The following SPMIP2 variants were observed in gnomAD, a reference collection of about 807,000 sequenced individuals.
The protein encoded by SPMIP2 is sperm microtubule inner protein 2.
chr4:158,961,739 C>T, the SPMIP2 span, among the ~76,000 whole-genome samples: 4 of 152,056 alleles, frequency 2.6e-5, no homozygotes, highest in African/African-American at 9.7e-5. Flanking sequence ...TCCATTCCTC[C>T]TATAGATATC....
chr4:158,973,352 A>G, the SPMIP2 span: 1 of 1,254,710 alleles, frequency 8.0e-7, no homozygotes, highest in South Asian at 1.4e-5. Flanking sequence ...TCCACACTTT[A>G]TTCTAAGATA....
chr4:158,908,968 G>A, the SPMIP2 span, among the ~76,000 whole-genome samples: 5 of 152,150 alleles, frequency 3.3e-5, no homozygotes, highest in South Asian at 2.1e-4. Flanking sequence ...GATTACAGGC[G>A]TGAGCCACTG....
chr4:158,968,929 C>T, the SPMIP2 span, among the ~76,000 whole-genome samples: 1 of 152,152 alleles, frequency 6.6e-6, no homozygotes, highest in Non-Finnish European at 1.5e-5. Context: ...AAAAATGAGG[C>T]AGAGATTTCA....
chr4:158,927,965 C>T, the SPMIP2 span, among the ~76,000 whole-genome samples: 4 of 152,348 alleles, frequency 2.6e-5, no homozygotes, highest in African/African-American at 4.8e-5. Flanking sequence ...ACCTGCAGCC[C>T]GCCATGCCTG....
chr4:159,080,908 A>T, the SPMIP2 span, among the ~76,000 whole-genome samples: 2,267 of 152,166 alleles, frequency 0.015, 69 homozygotes, highest in African/African-American at 0.051. Flanking sequence ...TATTTTTAGT[A>T]GAGACGGGTT....
chr4:159,052,246 C>T, the SPMIP2 span, among the ~76,000 whole-genome samples: 2 of 152,072 alleles, frequency 1.3e-5, no homozygotes, highest in Non-Finnish European at 2.9e-5. Flanking sequence ...AAATATCAGG[C>T]CTTGTGTGCT....
At chr4:158,894,384 T>C in the SPMIP2 span, among the ~76,000 whole-genome samples, 1 of 151,888 alleles carries the variant, frequency 6.6e-6, no homozygotes, top group African/African-American at 2.4e-5. Flanking sequence ...GTTGCCTAGG[T>C]TGGTCTTGAA....
chr4:159,026,247 T>C, the SPMIP2 span: 1 of 530,142 alleles, frequency 1.9e-6, no homozygotes, highest in South Asian at 1.7e-5. Flanking sequence ...AGCCAGAGTG[T>C]ATCATCATTT....
the SPMIP2 span, among the ~76,000 whole-genome samples, chr4:158,945,274 G>A: frequency 1.5e-4 from 23 of 151,972 alleles, no homozygotes; most frequent in Non-Finnish European, 2.4e-4. Flanking sequence ...CTCCTCATCC[G>A]TGTTCTGGGT....
chr4:159,049,752 AT>A, the SPMIP2 span, among the ~76,000 whole-genome samples: 1 of 151,712 alleles, frequency 6.6e-6, no homozygotes, highest in East Asian at 1.9e-4. Flanking sequence ...CCTGTTCTCA[AT>A]TTTTTTATAC....
the SPMIP2 span, among the ~76,000 whole-genome samples, chr4:158,956,444 T>G: frequency 1.2e-4 from 18 of 152,214 alleles, no homozygotes; most frequent in African/African-American, 4.3e-4. Flanking sequence ...ATGCCTGTAG[T>G]CCCAGCTACT....
At chr4:158,896,993 C>G in the SPMIP2 span, among the ~76,000 whole-genome samples, 1 of 152,054 alleles carries the variant, frequency 6.6e-6, no homozygotes, top group South Asian at 2.1e-4. Context: ...TATCCCACCC[C>G]CAGCCCCCCA....
the SPMIP2 span, among the ~76,000 whole-genome samples, chr4:158,935,904 G>C: frequency 6.6e-6 from 1 of 152,224 alleles, no homozygotes; most frequent in African/African-American, 2.4e-5. Context: ...GGCTGCTGCT[G>C]AGCTGGGTCT....
chr4:159,037,827 C>T, the SPMIP2 span, among the ~76,000 whole-genome samples: 27,192 of 125,384 alleles, frequency 0.22, 2,890 homozygotes, highest in African/African-American at 0.26. Context: ...CACACACACA[C>T]ATATATATAT....
the SPMIP2 span, among the ~76,000 whole-genome samples, chr4:159,002,559 C>T: frequency 0.3 from 45,000 of 151,952 alleles, 7,080 homozygotes; most frequent in South Asian, 0.44. Flanking sequence ...AAGTTTTTCT[C>T]CTATGTTTTC....
chr4:158,983,312 G>A, the SPMIP2 span, among the ~76,000 whole-genome samples: 12 of 151,666 alleles, frequency 7.9e-5, no homozygotes, highest in African/African-American at 1.5e-4. Context: ...TACAGAGAAC[G>A]CCACAGAGAT....
chr4:159,016,628 C>T, the SPMIP2 span, among the ~76,000 whole-genome samples: 1 of 152,066 alleles, frequency 6.6e-6, no homozygotes, highest in Non-Finnish European at 1.5e-5. Context: ...TCAACCTTTT[C>T]TTTGGTAACC....
At chr4:158,964,919 C>T in the SPMIP2 span, among the ~76,000 whole-genome samples, 1 of 152,134 alleles carries the variant, frequency 6.6e-6, no homozygotes, top group Non-Finnish European at 1.5e-5. Flanking sequence ...AGAAACCACC[C>T]CCACAATCCA....
At chr4:158,972,833 A>G in the SPMIP2 span, among the ~76,000 whole-genome samples, 421 of 152,346 alleles carry the variant, frequency 2.8e-3, 2 homozygotes, top group Non-Finnish European at 3.6e-3. Context: ...TACATTCCAA[A>G]GACAAACACA....
Sources: gnomAD v4.1 joint callset for allele counts (sites outside exome capture counted in the v4.1 genomes callset) on GRCh38, gnomAD v4.1.1 for gene constraint, MANE v1.5 for transcripts, NCBI Gene and HGNC (gene_info 2026-07-23, HGNC 2026-07-21) for gene names.